The following SPACA9 variants were observed in gnomAD, a reference collection of about 807,000 sequenced individuals.
SPACA9 encodes sperm acrosome-associated protein 9.
A neutral mutation model predicts 12.5 loss-of-function variants in SPACA9; 14 were observed. The ratio of observed to expected loss-of-function variants is 1.12; its 90% CI spans 0.74 to 1.75. SPACA9 has a LOEUF of 1.75. Among genes scored for constraint, SPACA9 ranks in the 40% most tolerant of loss-of-function variants. The pLI is 0.00. For synonymous variants in SPACA9, 111 were observed against 114.1 expected (o/e 0.97, Z 0.17); for missense variants, 292 against 291.9 (o/e 1.00, Z 0.00).
At chr9:132,882,087 A>G (rs1241472817) in intron 1 of SPACA9, among the ~76,000 whole-genome samples, 6 of 152,202 alleles carry the variant, frequency 3.9e-5, no homozygotes, top group Non-Finnish European at 5.9e-5. Context: ...TGAGCTGGAA[A>G]GAGGCCCCTG....
At position 132,889,384 on chromosome 9, in the gene SPACA9, G is replaced by T. The variant is rs1844677412; in HGVS notation, c.*773G>T. On this transcript the variant is annotated 3_prime_UTR_variant, in exon 4 of 4. Coordinates refer to ENST00000356311, the MANE Select transcript of SPACA9 (RefSeq NM_001316897.2). Reference sequence around the variant, plus strand: ...TGCTCCCCTCCAGGATGGAGTGGGGGTCGGCATGTGGAACTCAGCGTGTTT... The same window carrying T: ...TGCTCCCCTCCAGGATGGAGTGGGGTTCGGCATGTGGAACTCAGCGTGTTT... 2 of 985,466 alleles carry T rather than the reference G, an allele frequency of 2.0e-6. No individual in the cohort carries two copies. Among genetic ancestry groups the T allele is most frequent in the Non-Finnish European group, 2.4e-6 (2 of 829,982 alleles). 61.0% of individuals were successfully genotyped at this position (985,466 alleles called of 1,614,324 possible). A position where few individuals can be genotyped will look rare whatever the true frequency, so the allele number is the denominator to read the frequency against.
intron 1 of SPACA9, among the ~76,000 whole-genome samples, chr9:132,880,437 T>C (rs1844375619): frequency 6.6e-6 from 1 of 152,086 alleles, no homozygotes; most frequent in Non-Finnish European, 1.5e-5. Context: ...ACAGAGTCAG[T>C]TCCTCTCAAC....
At chr9:132,890,166 T>G, downstream of SPACA9, 2 of 450,164 alleles carry the variant, frequency 4.4e-6, no homozygotes, top group Non-Finnish European at 7.4e-6. Flanking sequence ...GGGGCATGCC[T>G]GTCTCAAGTC....
chr9:132,889,751 C>T lies in SPACA9; in HGVS notation c.*1140C>T. The T allele has an allele frequency of 3.2e-6, 4 of 1,260,808 alleles. No homozygotes were observed. The highest frequency in any genetic ancestry group is 4.0e-6 in the Non-Finnish European group (4 of 990,192). The allele number at this position is 1,260,808 out of a possible 1,614,324, so 78.1% of individuals were successfully genotyped here. On this transcript the variant is annotated 3_prime_UTR_variant, in exon 4 of 4. Coordinates refer to ENST00000356311, the MANE Select transcript of SPACA9 (RefSeq NM_001316897.2). The stretch of plus-strand genomic sequence containing the variant: ...GTGTGTTTAGTTCTCTGGACCACAG[C>T]CAAAGGGGAATAAACTCACCTTTCC...
chr9:132,889,160 G>T lies in SPACA9; in HGVS notation c.*549G>T, dbSNP rs1004238747. 6.1e-6 allele frequency: 6 copies of T among 990,028 alleles called. No individual in the cohort carries two copies. The African/African-American group carries it at 8.7e-5, about 14-fold the overall frequency. The allele number at this position is 990,028 out of a possible 1,614,324, so 61.3% of individuals were successfully genotyped here. Reference sequence around the variant, plus strand: ...CCACTTACAGAAGTTGCCCAAACAGGATGGTGTGGTAGAGGGTCCCAGGAG... The same window carrying T: ...CCACTTACAGAAGTTGCCCAAACAGTATGGTGTGGTAGAGGGTCCCAGGAG... On this transcript the variant is annotated 3_prime_UTR_variant, in exon 4 of 4. Coordinates refer to ENST00000356311, the MANE Select transcript of SPACA9 (RefSeq NM_001316897.2).
Position 132,888,509 on chromosome 9 carries a change from G to T in SPACA9, c.567G>T (p.Gln189His), listed in dbSNP as rs2131496970. 1 of 1,588,818 alleles carries T rather than the reference G, an allele frequency of 6.3e-7. No individual in the cohort carries two copies. The highest frequency in any genetic ancestry group is 1.8e-5 in the Admixed American group (1 of 55,690). Residue 189 changes from glutamine (Q) to histidine (H), a missense_variant, in exon 4 of 4, where the codon CAG becomes CAT. Physicochemically the swap from Gln to His is conservative, Grantham distance 24. Transcript: ENST00000356311. This position sits in a 1 kb window ranked among gnomAD's most constrained non-coding sequence, Gnocchi z 5.0. ...AARPAQAIGT[Q>H]PRATKHKCRQ... ...GTCCTGCCCAGGCCATAGGGACCCA[G>T]CCCAGGGCCACTAAACACAAGTGTA...
intron 2 of SPACA9, among the ~76,000 whole-genome samples, chr9:132,885,329 A>G (rs1408761033): frequency 6.6e-6 from 1 of 151,800 alleles, no homozygotes; most frequent in Non-Finnish European, 1.5e-5. Flanking sequence ...CCTGGCCAAC[A>G]TGGTGAAACC....
chr9:132,884,643 G>A (rs1044340718), intron 2 of SPACA9, among the ~76,000 whole-genome samples: 1 of 141,308 alleles, frequency 7.1e-6, no homozygotes, highest in South Asian at 2.3e-4. Context: ...GATGTTAGGG[G>A]CTGGAGCTGC....
In SPACA9 at chr9:132,889,488, C is replaced by A; in HGVS notation, c.*877C>A. The A allele has an allele frequency of 1.2e-6, 1 of 835,130 alleles. No individual in the cohort carries two copies. The highest frequency in any genetic ancestry group is 1.4e-6 in the Non-Finnish European group (1 of 692,714). 51.7% of individuals were successfully genotyped at this position (835,130 alleles called of 1,614,324 possible). A position where few individuals can be genotyped will look rare whatever the true frequency, so the allele number is the denominator to read the frequency against. On this transcript the variant is annotated 3_prime_UTR_variant, in exon 4 of 4. Transcript: ENST00000356311. ...GTGGCACGATCTTGGCTCACTGCAA[C>A]CTCCACCTCCAGGTTCAAGCGATTC...
At chr9:132,878,453 A>C, upstream of SPACA9, 1 of 1,222,230 alleles carries the variant, frequency 8.2e-7, no homozygotes, top group Non-Finnish European at 1.0e-6. This position sits in a 1 kb window ranked among gnomAD's most constrained non-coding sequence, Gnocchi z 4.7. Flanking sequence ...TCTTTCCCCA[A>C]CCCCGGCCTC....
chr9:132,885,405 C>T (rs140224004), intron 2 of SPACA9, among the ~76,000 whole-genome samples: 130 of 147,310 alleles, frequency 8.8e-4, no homozygotes, highest in African/African-American at 3.0e-3. Flanking sequence ...CCCAGTGACT[C>T]GGGAGGCTGA....
chr9:132,889,576 A>G lies in SPACA9; in HGVS notation c.*965A>G, dbSNP rs1000440912. 3.6e-6 allele frequency: 1 copy of G among 277,122 alleles called. No individual in the cohort carries two copies. The highest frequency in any genetic ancestry group is 2.3e-5 in the African/African-American group (1 of 42,836). The allele number at this position is 277,122 out of a possible 1,614,324, so 17.2% of individuals were successfully genotyped here. The stretch of plus-strand genomic sequence containing the variant: ...GCCCACCACCCCACCTGGCTAATTT[A>G]TATATATATATATTTTTTAGTAGAG... On this transcript the variant is annotated 3_prime_UTR_variant, in exon 4 of 4. Coordinates refer to ENST00000356311, the MANE Select transcript of SPACA9 (RefSeq NM_001316897.2).
In SPACA9 at chr9:132,884,106, C is replaced by T; in HGVS notation, c.144+15C>T. 6.2e-7 allele frequency: 1 copy of T among 1,607,312 alleles called. No homozygotes were observed. Among genetic ancestry groups the T allele is most frequent in the Non-Finnish European group, 8.5e-7 (1 of 1,174,468 alleles). On this transcript the variant is annotated intron_variant, in intron 2 of 3. Transcript: ENST00000356311. Reference sequence around the variant, plus strand: ...GCATTGGACAGGTGGGGCTCCCGACCCCCACCCCGGCCGAGGGGCAACAAG... The same window carrying T: ...GCATTGGACAGGTGGGGCTCCCGACTCCCACCCCGGCCGAGGGGCAACAAG...
chr9:132,878,498 C>T (rs1049181407), upstream of SPACA9: 14 of 1,203,788 alleles, frequency 1.2e-5, no homozygotes, highest in Non-Finnish European at 1.4e-5. The surrounding 1 kb of genome is among the most constrained non-coding windows in gnomAD (Gnocchi z 4.7). Context: ...CGGGGGACAC[C>T]CTCAGGTGGC....
Position 132,887,372 on chromosome 9 carries a change from C to A in SPACA9, c.148C>A (p.Gln50Lys). The change falls in exon 3 of 4, where the codon CAG becomes AAG. Residue 50 changes from glutamine (Q) to lysine (K), a missense_variant. Coordinates refer to ENST00000356311, the MANE Select transcript of SPACA9 (RefSeq NM_001316897.2). This position sits in a 1 kb window ranked among gnomAD's most constrained non-coding sequence, Gnocchi z 5.4. ...IRPISSIGQV[Q>K]SYMEHYCNSS... ...CATGTGGCGGCGGCCCTTGCAGGTGCAGAGCTACATGGAACACTACTGCAA... is the reference window on the plus strand; with the variant it reads ...CATGTGGCGGCGGCCCTTGCAGGTGAAGAGCTACATGGAACACTACTGCAA... 19 of 1,610,974 alleles carry A rather than the reference C, an allele frequency of 1.2e-5. No individual in the cohort carries two copies. Among genetic ancestry groups the A allele is most frequent in the Non-Finnish European group, 1.6e-5 (19 of 1,179,898 alleles).
intron 1 of SPACA9, among the ~76,000 whole-genome samples, chr9:132,883,166 C>T (rs1325220833): frequency 2.6e-5 from 4 of 152,178 alleles, no homozygotes; most frequent in Admixed American, 1.3e-4. Flanking sequence ...GAGTCCTCCC[C>T]ACAGCCTCCA....
intron 2 of SPACA9, 37 bp downstream of exon 2, chr9:132,884,128 C>G (rs1355358054): frequency 6.2e-7 from 1 of 1,603,464 alleles, no homozygotes; most frequent in Non-Finnish European, 8.5e-7. Flanking sequence ...CGAGGGGCAA[C>G]AAGCCCAGTC....
chr9:132,883,588 G>A lies in SPACA9; in HGVS notation c.-37-323G>A, dbSNP rs552175786. Among the ~76,000 whole-genome samples the A allele has an allele frequency of 1.1e-4, 16 of 151,956 alleles. No individual in the cohort carries two copies. The East Asian group carries it at 1.9e-3, about 18-fold the overall frequency. On this transcript the variant is annotated intron_variant, in intron 1 of 3. Transcript: ENST00000356311. ...TGTGTGTGCGTGTGTGTGTGCGCGC[G>A]TGTGTGTAGATACCCACATCTGGAG...
chr9:132,885,815 G>A (rs767230794), intron 2 of SPACA9, among the ~76,000 whole-genome samples: 5 of 152,160 alleles, frequency 3.3e-5, no homozygotes, highest in Non-Finnish European at 7.3e-5. Flanking sequence ...AGGTTCAGCC[G>A]AAGGCTCTTG....
Sources: gnomAD v4.1 joint callset for allele counts (sites outside exome capture counted in the v4.1 genomes callset) on GRCh38, gnomAD v4.1.1 for gene constraint, Gnocchi (gnomAD v3.1) non-coding constraint, MANE v1.5 for transcripts, NCBI Gene and HGNC (gene_info 2026-07-23, HGNC 2026-07-21) for gene names.